The following CARS2 variants were observed in gnomAD, a reference collection of about 807,000 sequenced individuals.
CARS2 encodes the protein cysteinyl-tRNA synthetase 2, mitochondrial.
Under a neutral mutation model 68.8 loss-of-function variants are expected in CARS2, and 52 were observed. The ratio of observed to expected loss-of-function variants is 0.76; its 90% confidence interval spans 0.61 to 0.95. The LOEUF (loss-of-function observed/expected upper bound fraction) is 0.95, where lower values mean the gene tolerates loss of function less well. CARS2 is among the 40% of genes least tolerant of loss of function. The pLI is 0.00. For synonymous variants in CARS2, 314 were observed against 303.6 expected (o/e 1.03, Z -0.36); for missense variants, 780 against 754.2 (o/e 1.03, Z -0.40).
At position 110,653,123 on chromosome 13, in the gene CARS2, A is replaced by C. The variant is rs1011366094; in HGVS notation, c.988-2023T>G. 1.3e-5 allele frequency among the ~76,000 whole-genome samples: 2 copies of C among 151,130 alleles called. No individual in the cohort carries two copies. The highest frequency in any genetic ancestry group is 6.6e-5 in the Admixed American group (1 of 15,180). On this transcript the variant is annotated intron_variant, in intron 9 of 14. Coordinates refer to ENST00000257347, the MANE Select transcript of CARS2 (RefSeq NM_024537.4). The surrounding 1 kb of genome is among the most constrained non-coding windows in gnomAD (Gnocchi z 5.6). The stretch of plus-strand genomic sequence containing the variant: ...CTATGTATTTTATTTTACGTATTTA[A>C]AGCAAATTGTAAGGCTGGGTCCACA...
At position 110,645,536 on chromosome 13, in the gene CARS2, G is replaced by C. The variant is rs551040347; in HGVS notation, c.1317+431C>G. 7.9e-4 allele frequency: 121 copies of C among 153,350 alleles called. No individual in the cohort carries two copies. The Middle Eastern group carries it at 0.016, about 21-fold the overall frequency. The allele number at this position is 153,350 out of a possible 1,614,324, so 9.5% of individuals were successfully genotyped here. On this transcript the variant is annotated intron_variant, in intron 12 of 14. Transcript: ENST00000257347. ...CTGCCAAACACTTGCAGTGACCCAC[G>C]AGTCCAGGCTCAGACCCCTGGGTGC...
chr13:110,673,242 T>C (rs1412765032), intron 7 of CARS2, among the ~76,000 whole-genome samples: 1 of 152,134 alleles, frequency 6.6e-6, no homozygotes, highest in Non-Finnish European at 1.5e-5. Context: ...TACCAAAACC[T>C]GGCAGAGACA....
At position 110,688,015 on chromosome 13, in the gene CARS2, T is replaced by G; in HGVS notation, c.397A>C (p.Asn133His). 1 of 1,607,428 alleles carries G rather than the reference T, an allele frequency of 6.2e-7. No homozygotes were observed. Among genetic ancestry groups the G allele is most frequent in the Non-Finnish European group, 8.5e-7 (1 of 1,175,576 alleles). Residue 133 changes from asparagine to histidine, a missense_variant, in exon 4 of 15, where the codon AAT becomes CAT. Coordinates refer to ENST00000257347, the MANE Select transcript of CARS2 (RefSeq NM_024537.4). ...DKIIKRANEM[N>H]ISPASLASLY... ...CTGGCGAGGGAAGCGGGGGAAATAT[T>G]CATCTGCAGAAGGATTAGATGTGCA...
chr13:110,642,036 T>G (rs372597591), intron 14 of CARS2, among the ~76,000 whole-genome samples: 1 of 151,978 alleles, frequency 6.6e-6, no homozygotes, highest in African/African-American at 2.4e-5. Context: ...AACCTGTCTC[T>G]ACTAAAAATA....
intron 6 of CARS2, among the ~76,000 whole-genome samples, chr13:110,681,358 CTTTGT>C (rs1315325721): frequency 2.0e-5 from 3 of 152,006 alleles, no homozygotes; most frequent in African/African-American, 7.2e-5. Context: ...GTTTTATTAT[CTTTGT>C]TTTGTGTAAT....
At chr13:110,686,010 G>GA (rs371300104) in intron 5 of CARS2, among the ~76,000 whole-genome samples, 1 of 140,362 alleles carries the variant, frequency 7.1e-6, no homozygotes, top group Non-Finnish European at 1.6e-5. Context: ...AAAAAAAAGA[G>GA]AAAAAAAGAA....
At chr13:110,663,921 G>T (rs561757797) in intron 8 of CARS2, 1 of 1,001,888 alleles carries the variant, frequency 1.0e-6, no homozygotes, top group African/African-American at 1.7e-5. Context: ...CAGGCACTTG[G>T]CGGTGAAGCT....
Position 110,647,221 on chromosome 13 carries a change from C to T in CARS2, c.1073G>A (p.Ser358Asn). The change falls in exon 11 of 15, where the codon AGC becomes AAC. Residue 358 changes from serine to asparagine, a missense_variant. Physicochemically the swap from Ser to Asn is conservative, Grantham distance 46 (BLOSUM62 1). Coordinates refer to ENST00000257347, the MANE Select transcript of CARS2 (RefSeq NM_024537.4). ...SYRSAIDYSDSAMLQAQQLLL... is the reference protein window; with the variant it reads ...SYRSAIDYSDNAMLQAQQLLL... ...CAGCTGCTGAGCTTGGAGCATGGCG[C>T]TGTCACTGTAGTCGATGGCTGAGGA... The T allele has an allele frequency of 6.2e-7, 1 of 1,613,192 alleles. No homozygotes were observed. Among genetic ancestry groups the T allele is most frequent in the Non-Finnish European group, 8.5e-7 (1 of 1,179,762 alleles).
chr13:110,666,988 G>A (rs895561482), intron 8 of CARS2: 2 of 972,726 alleles, frequency 2.1e-6, no homozygotes, highest in Admixed American at 1.2e-4. Context: ...ATTAGAAGAT[G>A]GCAGAGATGT....
At chr13:110,642,579 T>A (rs77995789) in intron 13 of CARS2, 58 bp from the exon 14 acceptor site, 11 of 1,138,104 alleles carry the variant, frequency 9.7e-6, no homozygotes, top group Non-Finnish European at 1.4e-5. Flanking sequence ...GGATGCCCCC[T>A]CCCCACCCCG....
rs1173241258 is a variant in CARS2, at chr13:110,653,015, G to C, written c.988-1915C>G. On this transcript the variant is annotated intron_variant, in intron 9 of 14. Coordinates refer to ENST00000257347, the MANE Select transcript of CARS2 (RefSeq NM_024537.4). This position sits in a 1 kb window ranked among gnomAD's most constrained non-coding sequence, Gnocchi z 5.6. Reference sequence around the variant, plus strand: ...TCACACGAGAGGATGGCAGCCATCAGACCCCACCCACGCTGAGCTAACCGC... The same window carrying C: ...TCACACGAGAGGATGGCAGCCATCACACCCCACCCACGCTGAGCTAACCGC... Among the ~76,000 whole-genome samples the C allele has an allele frequency of 6.6e-6, 1 of 152,192 alleles. No individual in the cohort carries two copies. The highest frequency in any genetic ancestry group is 2.4e-5 in the African/African-American group (1 of 41,426).
At chr13:110,650,256 C>T (rs2139697180) in intron 10 of CARS2, 1 of 152,292 alleles carries the variant, frequency 6.6e-6, no homozygotes, top group East Asian at 1.9e-4. Context: ...CATCGCCATG[C>T]CTGGCTAATT....
upstream of CARS2, among the ~76,000 whole-genome samples, chr13:110,709,162 A>G (rs991086160): frequency 2.0e-5 from 3 of 148,122 alleles, no homozygotes; most frequent in East Asian, 4.0e-4. Flanking sequence ...GGTTCAAGCG[A>G]TTCTCCTGCC....
chr13:110,688,344 G>A (rs2063365016), intron 3 of CARS2, among the ~76,000 whole-genome samples: 1 of 152,240 alleles, frequency 6.6e-6, no homozygotes, highest in South Asian at 2.1e-4. Flanking sequence ...AACACTTTGG[G>A]AGGCCAAGAT....
chr13:110,642,671 G>A, intron 13 of CARS2, 150 bp from the exon 14 acceptor site: 2 of 820,120 alleles, frequency 2.4e-6, no homozygotes, highest in East Asian at 2.4e-5. Flanking sequence ...GGTCTGGCAG[G>A]GATGGGTACA....
chr13:110,672,195 C>A (rs1468404032), intron 7 of CARS2, among the ~76,000 whole-genome samples: 1 of 152,206 alleles, frequency 6.6e-6, no homozygotes, highest in Non-Finnish European at 1.5e-5. Context: ...GAATTGAACT[C>A]AGATCTGCAC....
intron 3 of CARS2, among the ~76,000 whole-genome samples, chr13:110,701,154 C>T (rs189827674): frequency 2.0e-5 from 3 of 152,176 alleles, no homozygotes; most frequent in Non-Finnish European, 4.4e-5. Flanking sequence ...CCTTCGCCCC[C>T]CCAGGGTCAA....
rs765685628 is a variant in CARS2 at position 110,663,464 on chromosome 13, T to C, written c.974A>G (p.Tyr325Cys). ...AAAGCACGTTACCTTAATAGTAATG[T>C]AGTTCTTTAATGATTTGGACATTTT... ...EEKMSKSLKNYITIKDFLKTF... is the reference protein window; with the variant it reads ...EEKMSKSLKNCITIKDFLKTF... Residue 325 changes from tyrosine (Y) to cysteine (C), a missense_variant, in exon 9 of 15, where the codon TAC becomes TGC. Coordinates refer to ENST00000257347, the MANE Select transcript of CARS2 (RefSeq NM_024537.4). 3 of 1,613,640 alleles carry C rather than the reference T, an allele frequency of 1.9e-6. No individual in the cohort carries two copies. The highest frequency in any genetic ancestry group is 2.5e-6 in the Non-Finnish European group (3 of 1,179,828).
At chr13:110,657,872 C>T (rs777355732) in intron 9 of CARS2, among the ~76,000 whole-genome samples, 1 of 152,184 alleles carries the variant, frequency 6.6e-6, no homozygotes, top group Admixed American at 6.5e-5. Flanking sequence ...CATCATGAAT[C>T]GTAGGACAAC....
Sources: allele counts gnomAD v4.1 joint callset (sites outside exome capture counted in the v4.1 genomes callset), GRCh38; gene constraint gnomAD v4.1.1; non-coding constraint Gnocchi (gnomAD v3.1); transcripts MANE v1.5; gene names NCBI Gene and HGNC (gene_info 2026-07-23, HGNC 2026-07-21).